CBLN2: variants seen among roughly 807,000 people sequenced by gnomAD.
CBLN2 encodes the protein cerebellin-2.
A neutral mutation model predicts 15.0 loss-of-function variants in CBLN2; 7 were observed. That is an observed-to-expected ratio of 0.47 (90% CI 0.27 to 0.88). CBLN2 has a LOEUF of 0.88. Ranked by LOEUF, CBLN2 falls within the 40% of genes least tolerant of loss-of-function variation. CBLN2 has a pLI of 0.14. For synonymous variants in CBLN2, 149 were observed against 135.2 expected, an observed-to-expected ratio of 1.10 and a Z score of -0.71; for missense variants, 242 against 304.5, an observed-to-expected ratio of 0.79 and a Z score of 1.53.
At chr18:72,565,999 G>A (rs955512056) in intron 1 of CBLN2, among the ~76,000 whole-genome samples, 3 of 152,056 alleles carry the variant, frequency 2.0e-5, no homozygotes, top group Non-Finnish European at 2.9e-5. Flanking sequence ...TTTTTTAAAT[G>A]AGCAAAAGAG....
chr18:72,615,927 G>A (rs1024710347), intron 1 of CBLN2, among the ~76,000 whole-genome samples: 4 of 152,072 alleles, frequency 2.6e-5, no homozygotes, highest in African/African-American at 9.7e-5. Flanking sequence ...TCTCATAAGG[G>A]TTTCTAACTT....
At chr18:72,607,843 T>G (rs1389409322) in intron 1 of CBLN2, among the ~76,000 whole-genome samples, 2 of 152,154 alleles carry the variant, frequency 1.3e-5, no homozygotes, top group Non-Finnish European at 2.9e-5. Context: ...CTCATCACAC[T>G]GTCACTTTTA....
chr18:72,561,089 A>G (rs1197869833), intron 1 of CBLN2, among the ~76,000 whole-genome samples: 1 of 152,136 alleles, frequency 6.6e-6, no homozygotes, highest in Non-Finnish European at 1.5e-5. Flanking sequence ...AGTGGTACTT[A>G]GATAAAACAT....
intron 1 of CBLN2, among the ~76,000 whole-genome samples, chr18:72,575,565 C>G (rs947957077): frequency 2.6e-5 from 4 of 152,010 alleles, no homozygotes; most frequent in Non-Finnish European, 5.9e-5. Flanking sequence ...TCTCCAGGTC[C>G]TGTACTAAAA....
At chr18:72,617,084 A>G (rs979728372) in intron 1 of CBLN2, among the ~76,000 whole-genome samples, 5 of 152,170 alleles carry the variant, frequency 3.3e-5, no homozygotes, top group Admixed American at 6.6e-5. Flanking sequence ...CACCTGGCTG[A>G]CTTTCAATAT....
At chr18:72,593,452 C>CA (rs891576663) in intron 1 of CBLN2, among the ~76,000 whole-genome samples, 23 of 152,066 alleles carry the variant, frequency 1.5e-4, no homozygotes, top group African/African-American at 5.1e-4. Flanking sequence ...ATAACATCTA[C>CA]AAAAAAGTAT....
intron 1 of CBLN2, among the ~76,000 whole-genome samples, chr18:72,596,758 A>G (rs937502139): frequency 6.6e-6 from 1 of 152,130 alleles, no homozygotes; most frequent in Non-Finnish European, 1.5e-5. Context: ...CCTGGCCTGT[A>G]TGGTTTCCAC....
intron 1 of CBLN2, among the ~76,000 whole-genome samples, chr18:72,595,251 A>C (rs989423926): frequency 1.3e-5 from 2 of 151,850 alleles, no homozygotes; most frequent in Non-Finnish European, 2.9e-5. Flanking sequence ...TATTCCAAGA[A>C]ATTTTTAAAT....
In CBLN2 at chr18:72,542,550, G is replaced by A. The variant is rs551592278; in HGVS notation, c.-166-224C>T. ...AGGCTCCCGAGCAGCGCGCGGGGCT[G>A]CGACGAGGGAGGGGGCCGCGCTTCT... On this transcript the variant is annotated intron_variant, in intron 2 of 4. Coordinates refer to ENST00000269503, the MANE Select transcript of CBLN2 (RefSeq NM_182511.4). Among the ~76,000 whole-genome samples the A allele has an allele frequency of 8.5e-5, 13 of 152,222 alleles. No individual in the cohort carries two copies. The South Asian group carries it at 2.7e-3, about 32-fold the overall frequency.
intron 1 of CBLN2, among the ~76,000 whole-genome samples, chr18:72,549,873 G>A (rs1023802161): frequency 6.6e-6 from 1 of 152,040 alleles, no homozygotes; most frequent in African/African-American, 2.4e-5. Context: ...CTGGGCAAAT[G>A]CTTACCTAGG....
chr18:72,599,556 T>C (rs2069534541), intron 1 of CBLN2, among the ~76,000 whole-genome samples: 1 of 152,202 alleles, frequency 6.6e-6, no homozygotes, highest in Non-Finnish European at 1.5e-5. Flanking sequence ...AAAAGTATAT[T>C]ACTTGCTGAT....
chr18:72,600,519 C>G (rs764082567), intron 1 of CBLN2, among the ~76,000 whole-genome samples: 1 of 152,104 alleles, frequency 6.6e-6, no homozygotes, highest in Non-Finnish European at 1.5e-5. Context: ...TTTCCTTTTG[C>G]AGACAGAGTC....
At position 72,537,013 on chromosome 18, in the gene CBLN2, T is replaced by C. The variant is rs531618164; in HGVS notation, c.*1163A>G. The C allele has an allele frequency of 6.6e-6, 1 of 152,566 alleles. No homozygotes were observed. Among genetic ancestry groups the C allele is most frequent in the South Asian group, 2.1e-4 (1 of 4,824 alleles). 9.5% of individuals were successfully genotyped at this position (152,566 alleles called of 1,614,324 possible). On this transcript the variant is annotated 3_prime_UTR_variant, in exon 5 of 5. Coordinates refer to ENST00000269503, the MANE Select transcript of CBLN2 (RefSeq NM_182511.4). ...TCAATGCATCCCTTTCCTGGGCAGA[T>C]CAAAAGAGGATCCGGAGGAAGAGGA... is the stretch of plus-strand genomic sequence containing the variant.
upstream of CBLN2, among the ~76,000 whole-genome samples, chr18:72,544,973 C>CTAATAATAATAATAATAA (rs3841257): frequency 2.7e-5 from 4 of 147,240 alleles, no homozygotes; most frequent in Admixed American, 6.8e-5. Flanking sequence ...TTCTGATAGG[C>CTAATAATAATAATAATAA]TAATAATAAT....
intron 1 of CBLN2, among the ~76,000 whole-genome samples, chr18:72,628,500 C>T (rs1393016708): frequency 1.3e-5 from 2 of 152,180 alleles, no homozygotes; most frequent in African/African-American, 4.8e-5. Context: ...TCTGAATTGT[C>T]CAGCATTGGA....
intron 1 of CBLN2, among the ~76,000 whole-genome samples, chr18:72,551,064 C>A (rs1039398079): frequency 6.6e-6 from 1 of 151,690 alleles, no homozygotes; most frequent in Non-Finnish European, 1.5e-5. Flanking sequence ...AAACAAGTAC[C>A]GTGACATTTT....
Position 72,542,215 on chromosome 18 carries a change from C to T in CBLN2, c.-55G>A. On this transcript the variant is annotated 5_prime_UTR_variant, in exon 3 of 5. Transcript: ENST00000269503. ...TGGAGGCCGGCGCCGGCGCGAGCGG[C>T]GCGGAAGGGCGCGAAGGAACGCGCG... 1 of 1,128,926 alleles carries T rather than the reference C, an allele frequency of 8.9e-7. No individual in the cohort carries two copies. Among genetic ancestry groups the T allele is most frequent in the Non-Finnish European group, 1.1e-6 (1 of 913,052 alleles). 69.9% of individuals were successfully genotyped at this position (1,128,926 alleles called of 1,614,324 possible).
intron 1 of CBLN2, among the ~76,000 whole-genome samples, chr18:72,577,413 T>A (rs1360137039): frequency 6.6e-6 from 1 of 152,168 alleles, no homozygotes; most frequent in Non-Finnish European, 1.5e-5. Context: ...TATTGGTGAC[T>A]TAAGCTAAAT....
At chr18:72,565,834 G>A (rs2069291234) in intron 1 of CBLN2, among the ~76,000 whole-genome samples, 1 of 152,104 alleles carries the variant, frequency 6.6e-6, no homozygotes, top group Non-Finnish European at 1.5e-5. Flanking sequence ...GAACTCAAAA[G>A]CTCCTGCACA....
Sources: gnomAD v4.1 joint callset for allele counts (sites outside exome capture counted in the v4.1 genomes callset) on GRCh38, gnomAD v4.1.1 for gene constraint, MANE v1.5 for transcripts, NCBI Gene and HGNC (gene_info 2026-07-23, HGNC 2026-07-21) for gene names.